The following SPAG17 variants were observed in gnomAD, a reference collection of about 807,000 sequenced individuals.
The protein encoded by SPAG17 is sperm associated antigen 17, also known as sperm-associated antigen 17.
Under a neutral mutation model 273.6 loss-of-function variants are expected in SPAG17, and 169 were observed. The ratio of observed to expected loss-of-function variants is 0.62; its 90% CI spans 0.55 to 0.70. The LOEUF (loss-of-function observed/expected upper bound fraction) is 0.70, where lower values mean the gene tolerates loss of function less well. Ranked by LOEUF, SPAG17 falls within the 30% of genes least tolerant of loss-of-function variation. The pLI, the probability that SPAG17 is intolerant of heterozygous loss-of-function variation, is 0.00. For missense variants in SPAG17, 2,557 were observed against 2,627.8 expected, an observed-to-expected ratio of 0.97 and a Z score of 0.59; for synonymous variants, 825 against 873.2, an observed-to-expected ratio of 0.94 and a Z score of 0.97.
At chr1:118,021,917 C>T (rs147597272) in intron 28 of SPAG17, among the ~76,000 whole-genome samples, 121 of 152,184 alleles carry the variant, frequency 8.0e-4, no homozygotes, top group African/African-American at 2.9e-3. Flanking sequence ...ACTTCTCTAA[C>T]CAGAAACCTT....
intron 3 of SPAG17, among the ~76,000 whole-genome samples, chr1:118,136,352 C>G (rs1658353271): frequency 6.6e-6 from 1 of 152,196 alleles, no homozygotes; most frequent in Non-Finnish European, 1.5e-5. Context: ...TAGCCTTAGA[C>G]TTTGCTAACC....
At chr1:118,124,381 G>T (rs978506829) in intron 3 of SPAG17, among the ~76,000 whole-genome samples, 1 of 152,080 alleles carries the variant, frequency 6.6e-6, no homozygotes, top group Non-Finnish European at 1.5e-5. Flanking sequence ...TGTGCACAGG[G>T]TTTGTCTCCT....
chr1:118,015,274 A>G (rs1339591438), intron 29 of SPAG17, among the ~76,000 whole-genome samples: 3 of 149,482 alleles, frequency 2.0e-5, no homozygotes, highest in African/African-American at 7.3e-5. Flanking sequence ...TCTGTGTCAA[A>G]AAAAAAAAAA....
chr1:118,167,521 T>C (rs948353773), intron 1 of SPAG17, among the ~76,000 whole-genome samples: 2 of 152,330 alleles, frequency 1.3e-5, no homozygotes, highest in South Asian at 2.1e-4. Flanking sequence ...CTGTGGGTTT[T>C]CATTCTAAAT....
At chr1:118,161,564 GT>G (rs1335048721) in intron 1 of SPAG17, among the ~76,000 whole-genome samples, 1 of 151,852 alleles carries the variant, frequency 6.6e-6, no homozygotes, top group East Asian at 1.9e-4. Context: ...TTTAGACGTA[GT>G]CTCGCTCTGT....
chr1:118,073,577 C>CA (rs760638695), intron 17 of SPAG17, among the ~76,000 whole-genome samples: 10 of 151,762 alleles, frequency 6.6e-5, no homozygotes, highest in African/African-American at 1.2e-4. Context: ...CATGCAGCAG[C>CA]AAAAAAATAT....
intron 48 of SPAG17, chr1:117,957,196 G>A (rs551516026): frequency 6.0e-5 from 96 of 1,607,790 alleles, no homozygotes; most frequent in Non-Finnish European, 7.5e-5. Flanking sequence ...TTCCTCCTTA[G>A]GTAACATCCT....
intron 3 of SPAG17, among the ~76,000 whole-genome samples, chr1:118,142,950 T>C (rs1484795222): frequency 6.6e-6 from 1 of 152,248 alleles, no homozygotes; most frequent in Non-Finnish European, 1.5e-5. Context: ...TGAATATGTA[T>C]TAACTTCCCT....
chr1:118,168,934 A>G (rs1435529234), intron 1 of SPAG17, among the ~76,000 whole-genome samples: 1 of 152,176 alleles, frequency 6.6e-6, no homozygotes, highest in Non-Finnish European at 1.5e-5. Context: ...GAAGATAAAG[A>G]TAGATAGGCA....
chr1:117,966,357 T>A (rs1373027652), intron 47 of SPAG17: 2 of 326,756 alleles, frequency 6.1e-6, no homozygotes, highest in Non-Finnish European at 1.1e-5. Context: ...TGTCTGATAT[T>A]CCGTAGATAG....
intron 1 of SPAG17, among the ~76,000 whole-genome samples, chr1:118,160,171 C>T (rs1048962492): frequency 5.9e-5 from 9 of 152,146 alleles, no homozygotes; most frequent in Non-Finnish European, 2.9e-5. Flanking sequence ...TTTTCATCAT[C>T]ATATATTAAA....
At chr1:117,967,182 GGCAGGAGAATTGCTTGAAC>G (rs1403010037) in intron 46 of SPAG17, among the ~76,000 whole-genome samples, 3 of 151,650 alleles carry the variant, frequency 2.0e-5, no homozygotes, top group East Asian at 1.9e-4. Flanking sequence ...AGGAGGCTGA[GGCAGGAGAATTGCTTGAAC>G]GCAGGAGAAT....
chr1:117,992,107 A>G (rs1225574620), intron 36 of SPAG17, among the ~76,000 whole-genome samples: 1 of 152,176 alleles, frequency 6.6e-6, no homozygotes, highest in African/African-American at 2.4e-5. Flanking sequence ...AAATTCTTAG[A>G]CCGCTTCCAA....
chr1:118,078,498 C>T (rs1264191620), intron 15 of SPAG17, among the ~76,000 whole-genome samples: 1 of 151,976 alleles, frequency 6.6e-6, no homozygotes, highest in Non-Finnish European at 1.5e-5. Context: ...GTGTATTGTT[C>T]TGAGTTTTCT....
At chr1:118,161,893 G>A (rs1333441137) in intron 1 of SPAG17, among the ~76,000 whole-genome samples, 1 of 152,144 alleles carries the variant, frequency 6.6e-6, no homozygotes, top group African/African-American at 2.4e-5. Context: ...CTGGGGGGAA[G>A]GTGTCACTAA....
chr1:118,122,596 G>A (rs1005697480), intron 3 of SPAG17, among the ~76,000 whole-genome samples: 2 of 152,142 alleles, frequency 1.3e-5, no homozygotes, highest in African/African-American at 2.4e-5. Context: ...GTATTCCACC[G>A]AGCTGTGACA....
intron 4 of SPAG17, among the ~76,000 whole-genome samples, chr1:118,104,901 G>C (rs72631726): frequency 1.3e-5 from 2 of 152,064 alleles, no homozygotes; most frequent in Admixed American, 6.6e-5. Context: ...ATGCAAGGGG[G>C]TATGAGGTCA....
rs183599460 is a variant in SPAG17, at chr1:118,062,163, C to A, written c.2540+4582G>T. Among the ~76,000 whole-genome samples the A allele has an allele frequency of 1.9e-3, 281 of 151,830 alleles. 3 individuals are homozygous for A. Among genetic ancestry groups the A allele is most frequent in the African/African-American group, 6.6e-3 (272 of 41,414 alleles). On this transcript the variant is annotated intron_variant, in intron 18 of 48. Transcript: ENST00000336338. Reference sequence around the variant, plus strand: ...CGGGCGGATCACGAGGTCAGGAGATCGAGACCATCCCGGCTAAAAACGGTG... The same window carrying A: ...CGGGCGGATCACGAGGTCAGGAGATAGAGACCATCCCGGCTAAAAACGGTG...
intron 13 of SPAG17, among the ~76,000 whole-genome samples, chr1:118,082,314 G>A (rs1654647981): frequency 6.6e-6 from 1 of 152,192 alleles, no homozygotes; most frequent in Non-Finnish European, 1.5e-5. Context: ...AAGTTCCAAG[G>A]TAGAGGAAGG....
Sources: gnomAD v4.1 joint callset for allele counts (sites outside exome capture counted in the v4.1 genomes callset) on GRCh38, gnomAD v4.1.1 for gene constraint, MANE v1.5 for transcripts, NCBI Gene and HGNC (gene_info 2026-07-23, HGNC 2026-07-21) for gene names.